PLPPR5: variants seen among roughly 807,000 people sequenced by gnomAD.
PLPPR5 encodes phospholipid phosphatase-related protein type 5.
Under a neutral mutation model 33.9 loss-of-function variants are expected in PLPPR5, and 16 were observed. The observed-to-expected ratio is 0.47, with a 90% CI of 0.32 to 0.72. The LOEUF (loss-of-function observed/expected upper bound fraction) is 0.72. Ranked by LOEUF, PLPPR5 falls within the 30% of genes least tolerant of loss-of-function variation. The pLI, the probability that PLPPR5 is intolerant of heterozygous loss-of-function variation, is 0.03. For synonymous variants in PLPPR5, 163 were observed against 150.3 expected (o/e 1.08, Z -0.62); for missense variants, 301 against 406.7 (o/e 0.74, Z 2.23).
At chr1:98,944,052 C>T (rs933905592) in intron 3 of PLPPR5, among the ~76,000 whole-genome samples, 33 of 152,286 alleles carry the variant, frequency 2.2e-4, no homozygotes, top group Admixed American at 2.0e-4. Context: ...CACTTATATA[C>T]AAGACATCAT....
At position 98,921,814 on chromosome 1, in the gene PLPPR5, G is replaced by T. The variant is rs534450620; in HGVS notation, c.798+68C>A. ...TAGACAAACCCAGTGATTCACACTT[G>T]TATTTTCTCATGGTGATTATGCAAG... On this transcript the variant is annotated intron_variant, in intron 4 of 5. Transcript: ENST00000263177. 198 of 1,290,248 alleles carry T rather than the reference G, an allele frequency of 1.5e-4. 1 individual carries two copies. The South Asian group carries it at 2.4e-3, about 16-fold the overall frequency. The allele number at this position is 1,290,248 out of a possible 1,614,324, so 79.9% of individuals were successfully genotyped here.
chr1:98,969,726 C>CCT (rs1651590485), intron 1 of PLPPR5, among the ~76,000 whole-genome samples: 1 of 149,768 alleles, frequency 6.7e-6, no homozygotes, highest in African/African-American at 2.5e-5. Flanking sequence ...ACCTCTTTTT[C>CCT]TCCTTCCTTC....
At chr1:98,899,048 G>A (rs1648585585) in intron 5 of PLPPR5, among the ~76,000 whole-genome samples, 2 of 152,218 alleles carry the variant, frequency 1.3e-5, no homozygotes, top group South Asian at 4.1e-4. Context: ...CTCTACTGTG[G>A]CTTCATGCTG....
At chr1:98,962,251 T>G (rs1221079998) in intron 1 of PLPPR5, among the ~76,000 whole-genome samples, 6 of 152,262 alleles carry the variant, frequency 3.9e-5, no homozygotes, top group Admixed American at 3.9e-4. Flanking sequence ...TTGTGAAATA[T>G]GTGAATTATG....
chr1:98,921,879 T>C lies in PLPPR5; in HGVS notation c.798+3A>G. 3 of 1,600,752 alleles carry C rather than the reference T, an allele frequency of 1.9e-6. No homozygotes were observed. Among genetic ancestry groups the C allele is most frequent in the Non-Finnish European group, 2.6e-6 (3 of 1,174,694 alleles). ...AATGATATATAAATAAATTTGTACT[T>C]ACCAGAAATACTGCTATAGATATTC... On this transcript the variant is annotated splice_donor_region_variant and intron_variant, in intron 4 of 5. Coordinates refer to ENST00000263177, the MANE Select transcript of PLPPR5 (RefSeq NM_001037317.2).
chr1:98,945,997 T>C (rs527938797), intron 3 of PLPPR5, among the ~76,000 whole-genome samples: 22 of 152,168 alleles, frequency 1.4e-4, no homozygotes, highest in Non-Finnish European at 2.2e-4. Context: ...AGTCCCAGCT[T>C]ACTCCATTCC....
At chr1:98,941,765 T>C (rs1160457802) in intron 3 of PLPPR5, among the ~76,000 whole-genome samples, 4 of 151,620 alleles carry the variant, frequency 2.6e-5, no homozygotes, top group Non-Finnish European at 5.9e-5. Flanking sequence ...GCTGTATTAT[T>C]ATAGAGAGAT....
intron 1 of PLPPR5, among the ~76,000 whole-genome samples, chr1:98,977,440 C>G (rs1651902144): frequency 1.3e-5 from 2 of 150,924 alleles, no homozygotes; most frequent in African/African-American, 4.9e-5. Context: ...CTTCCTGCCC[C>G]AAAGCAATGT....
At chr1:98,972,918 T>C (rs916384878) in intron 1 of PLPPR5, among the ~76,000 whole-genome samples, 3 of 152,098 alleles carry the variant, frequency 2.0e-5, no homozygotes, top group African/African-American at 7.2e-5. Context: ...ACTCACAGAA[T>C]ACTTTTTTTA....
At chr1:98,957,700 C>A (rs543461602) in intron 1 of PLPPR5, among the ~76,000 whole-genome samples, 174 of 152,282 alleles carry the variant, frequency 1.1e-3, no homozygotes, top group African/African-American at 3.9e-3. Context: ...TAATATACTA[C>A]TTATACTTTA....
chr1:98,997,907 C>T (rs1652684505), intron 1 of PLPPR5, among the ~76,000 whole-genome samples: 1 of 151,926 alleles, frequency 6.6e-6, no homozygotes, highest in South Asian at 2.1e-4. Context: ...AAGGAACTGG[C>T]AAGAGAAGCC....
rs565914186 is a variant in PLPPR5 at position 98,998,541 on chromosome 1, A to C, written c.237+5894T>G. Among the ~76,000 whole-genome samples the C allele has an allele frequency of 2.6e-5, 4 of 152,348 alleles. No homozygotes were observed. The East Asian group carries it at 7.7e-4, about 29-fold the overall frequency. Reference sequence around the variant, plus strand: ...GATAGAACACGAAGTTTTCCATCGAAGCAGGAACATTGAAATCGAGGATAA... The same window carrying C: ...GATAGAACACGAAGTTTTCCATCGACGCAGGAACATTGAAATCGAGGATAA... On this transcript the variant is annotated intron_variant, in intron 1 of 5. Transcript: ENST00000263177.
At chr1:98,990,011 CT>C (rs1652395636) in intron 1 of PLPPR5, among the ~76,000 whole-genome samples, 2 of 152,080 alleles carry the variant, frequency 1.3e-5, no homozygotes, top group Admixed American at 1.3e-4. Context: ...GAAAGATGAT[CT>C]TAAGTCATCT....
chr1:98,944,694 C>A (rs994219444), intron 3 of PLPPR5, among the ~76,000 whole-genome samples: 16 of 152,212 alleles, frequency 1.1e-4, no homozygotes, highest in African/African-American at 3.6e-4. Flanking sequence ...TACAAAGCTG[C>A]CAACTTTGAA....
intron 3 of PLPPR5, among the ~76,000 whole-genome samples, chr1:98,952,383 C>T (rs182547): frequency 0.95 from 144,983 of 152,052 alleles, 69,197 homozygotes; most frequent in East Asian, 1. Context: ...GAGGGAGAGG[C>T]TGATGGTACC....
At chr1:98,992,527 T>C (rs140221655) in intron 1 of PLPPR5, among the ~76,000 whole-genome samples, 77 of 152,256 alleles carry the variant, frequency 5.1e-4, no homozygotes, top group African/African-American at 1.8e-3. Context: ...TCAAAATCTG[T>C]GCATCAAAAA....
At chr1:98,953,013 A>C in intron 3 of PLPPR5, 57 bp downstream of exon 3, 2 of 1,583,846 alleles carry the variant, frequency 1.3e-6, no homozygotes, top group South Asian at 1.1e-5. Flanking sequence ...GAATTTCTAC[A>C]TTGGAAAAAT....
chr1:98,939,713 G>C (rs1167283850), intron 3 of PLPPR5, among the ~76,000 whole-genome samples: 1 of 151,934 alleles, frequency 6.6e-6, no homozygotes, highest in Non-Finnish European at 1.5e-5. Flanking sequence ...GCATGGAGAA[G>C]TGGTGGTGCC....
At chr1:98,905,104 C>A (rs1049920294) in intron 5 of PLPPR5, among the ~76,000 whole-genome samples, 2 of 152,150 alleles carry the variant, frequency 1.3e-5, no homozygotes, top group Non-Finnish European at 2.9e-5. Context: ...CTCTTATTCT[C>A]CTCTCTGAAC....
Sources: gnomAD v4.1 joint callset for allele counts (sites outside exome capture counted in the v4.1 genomes callset) on GRCh38, gnomAD v4.1.1 for gene constraint, MANE v1.5 for transcripts, NCBI Gene and HGNC (gene_info 2026-07-23, HGNC 2026-07-21) for gene names.